The following LAMB3 variants were observed in gnomAD, a reference collection of about 807,000 sequenced individuals.
LAMB3 encodes the protein laminin subunit beta 3, also known as laminin subunit beta-3.
A neutral mutation model predicts 140.3 loss-of-function variants in LAMB3; 104 were observed. That is an observed-to-expected ratio of 0.74 (90% CI 0.63 to 0.87). The LOEUF (loss-of-function observed/expected upper bound fraction) is 0.87, where lower values mean the gene tolerates loss of function less well. Ranked by LOEUF, LAMB3 falls within the 40% of genes least tolerant of loss-of-function variation. The pLI is 0.00. For synonymous variants in LAMB3, 592 were observed against 602.9 expected, an observed-to-expected ratio of 0.98 and a Z score of 0.26; for missense variants, 1,531 against 1,575.2, an observed-to-expected ratio of 0.97 and a Z score of 0.47.
chr1:209,618,931 C>G (rs1341437755), intron 18 of LAMB3: 3 of 537,030 alleles, frequency 5.6e-6, no homozygotes, highest in African/African-American at 1.9e-5. Flanking sequence ...GTGTCTGGTG[C>G]CACAGGAAGC....
intron 14 of LAMB3, 44 bp downstream of exon 14, chr1:209,625,604 T>C: frequency 6.2e-7 from 1 of 1,613,182 alleles, no homozygotes; most frequent in Non-Finnish European, 8.5e-7. Flanking sequence ...CTGGAACCCC[T>C]GGAGCATAAT....
In LAMB3 at chr1:209,617,457, G is replaced by A. The variant is rs1666011800; in HGVS notation, c.3181C>T (p.Gln1061Ter). Residue 1061 changes from glutamine (Q) to a stop codon, truncating the protein, a stop_gained, in exon 21 of 23, where the codon CAG (glutamine) becomes TAG (stop). Coordinates refer to ENST00000356082, the MANE Select transcript of LAMB3 (RefSeq NM_000228.3). LOFTEE classifies it high-confidence loss of function. ...RQQGAEAVQAQQLAEGASEQA... is the reference protein window; with the variant it reads ...RQQGAEAVQA ...TCGCTGGCACCTTCCGCAAGCTGCT[G>A]GGCCTGGACTGCCTCTGCCCCCTGC... 6.2e-7 allele frequency: 1 copy of A among 1,613,272 alleles called. No homozygotes were observed. Among genetic ancestry groups the A allele is most frequent in the African/African-American group, 1.3e-5 (1 of 74,908 alleles).
chr1:209,650,392 A>C (rs1486428666), intron 2 of LAMB3, among the ~76,000 whole-genome samples: 1 of 152,232 alleles, frequency 6.6e-6, no homozygotes, highest in Non-Finnish European at 1.5e-5. Context: ...TTTTAGAACC[A>C]GACTGGAGAC....
At chr1:209,634,037 A>T (rs543431398) in intron 6 of LAMB3, among the ~76,000 whole-genome samples, 2 of 152,194 alleles carry the variant, frequency 1.3e-5, no homozygotes, top group Non-Finnish European at 2.9e-5. Context: ...TAAACTGAAA[A>T]TGTTTATTTT....
chr1:209,624,036 A>C (rs1666325552), intron 14 of LAMB3, 36 bp from the exon 15 acceptor site: 1 of 1,598,684 alleles, frequency 6.3e-7, no homozygotes, highest in Non-Finnish European at 8.5e-7. Context: ...AAAATATAGG[A>C]GGGAGTTTTG....
In LAMB3 at chr1:209,617,973, C is replaced by T; in HGVS notation, c.2985G>A (p.Gln995=). ...GNLRQGTVAL[Q]EAQDTMQGTS... ...TGCCTTGCATGGTGTCCTGAGCTTC[C>T]TGCAGTGCCACTGTCCCCTGCCGCA... Residue 995 remains glutamine, a synonymous_variant, in exon 20 of 23, where the codon CAG becomes CAA. Coordinates refer to ENST00000356082, the MANE Select transcript of LAMB3 (RefSeq NM_000228.3). 6.2e-7 allele frequency: 1 copy of T among 1,614,210 alleles called. No homozygotes were observed. Among genetic ancestry groups the T allele is most frequent in the Non-Finnish European group, 8.5e-7 (1 of 1,180,042 alleles).
rs760955874 is a variant in LAMB3, at chr1:209,634,668, G to A, written c.373-30C>T. ...GGAGACAGGGGCAGTGTGCAGAGGG[G>A]AGGCACTGGGGCTGTGCCCCGTGGA... On this transcript the variant is annotated intron_variant, in intron 5 of 22. Coordinates refer to ENST00000356082, the MANE Select transcript of LAMB3 (RefSeq NM_000228.3). The A allele has an allele frequency of 2.5e-6, 4 of 1,578,148 alleles. No individual in the cohort carries two copies. In the African/African-American group the frequency reaches 4.0e-5, roughly 16 times the overall value.
chr1:209,617,438 G>T lies in LAMB3; in HGVS notation c.3200C>A (p.Ala1067Asp). Reference sequence around the variant, plus strand: ...TTGGGCACTCAATGCCTGCTCGCTGGCACCTTCCGCAAGCTGCTGGGCCTG... The same window carrying T: ...TTGGGCACTCAATGCCTGCTCGCTGTCACCTTCCGCAAGCTGCTGGGCCTG... ...AVQAQQLAEG[A>D]SEQALSAQEG... The change falls in exon 21 of 23, where the codon GCC (alanine) becomes GAC (aspartate). Residue 1067 changes from alanine to aspartate, a missense_variant. Physicochemically the swap from Ala to Asp is moderately radical, Grantham distance 126. Transcript: ENST00000356082. The T allele has an allele frequency of 3.1e-6, 5 of 1,612,858 alleles. No homozygotes were observed. The highest frequency in any genetic ancestry group is 3.4e-6 in the Non-Finnish European group (4 of 1,180,030).
rs141535940 is a variant in LAMB3 at position 209,651,315 on chromosome 1, G to T, written c.-37-334C>A. 156 of 312,212 alleles carry T rather than the reference G, an allele frequency of 5.0e-4. 1 individual carries two copies. The highest frequency in any genetic ancestry group is 3.0e-3 in the African/African-American group (141 of 47,188). 19.3% of individuals were successfully genotyped at this position (312,212 alleles called of 1,614,324 possible). A position where few individuals can be genotyped will look rare whatever the true frequency, so the allele number is the denominator to read the frequency against. On this transcript the variant is annotated intron_variant, in intron 1 of 22. Coordinates refer to ENST00000356082, the MANE Select transcript of LAMB3 (RefSeq NM_000228.3). ...CAACGTGGGGAGCAGGAAAAGGCTG[G>T]ACCCTTTGCAGGAGAAAAGCTGTAG...
chr1:209,627,043 G>A, intron 12 of LAMB3, 65 bp from the exon 13 acceptor site: 1 of 1,187,850 alleles, frequency 8.4e-7, no homozygotes, highest in Non-Finnish European at 1.2e-6. Context: ...TGGTGTCAGG[G>A]ACTGTGTCCT....
At position 209,639,673 on chromosome 1, in the gene LAMB3, A is replaced by T. The variant is rs565890674; in HGVS notation, c.184-1025T>A. On this transcript the variant is annotated intron_variant, in intron 3 of 22. Transcript: ENST00000356082. ...CGCGTGCACATGCGCACACGCACAC[A>T]CACACACACAGATAACACGACCTTT... Among the ~76,000 whole-genome samples the T allele has an allele frequency of 2.6e-5, 4 of 151,254 alleles. No homozygotes were observed. The South Asian group carries it at 8.3e-4, about 31-fold the overall frequency.
chr1:209,616,516 C>T lies in LAMB3; in HGVS notation c.3337G>A (p.Glu1113Lys). 1 of 1,614,232 alleles carries T rather than the reference C, an allele frequency of 6.2e-7. No homozygotes were observed. Among genetic ancestry groups the T allele is most frequent in the Non-Finnish European group, 8.5e-7 (1 of 1,180,034 alleles). Residue 1113 changes from glutamate (E) to lysine (K), a missense_variant, in exon 22 of 23, where the codon GAG (glutamate) becomes AAG (lysine). By Grantham distance (56) the Glu-to-Lys change is moderately conservative. Transcript: ENST00000356082. ...TCCATGGTCTCCCCAAACAGCTCCT[C>T]TGCCTCTGTCTTCACACTCTGGATC... ...ARIQSVKTEAEELFGETMEMM... is the reference protein window; with the variant it reads ...ARIQSVKTEAKELFGETMEMM...
chr1:209,638,091 G>A, intron 4 of LAMB3, 110 bp from the exon 5 acceptor site: 1 of 878,426 alleles, frequency 1.1e-6, no homozygotes, highest in East Asian at 2.6e-5. Context: ...CTCTAACCTT[G>A]ATTTTCCAAA....
intron 3 of LAMB3, among the ~76,000 whole-genome samples, chr1:209,647,528 G>A (rs1343419246): frequency 6.6e-6 from 1 of 152,164 alleles, no homozygotes; most frequent in Non-Finnish European, 1.5e-5. Context: ...TGGGCTCAGG[G>A]CTCGCTATGT....
chr1:209,616,685 G>A (rs1665981911), intron 21 of LAMB3, 61 bp from the exon 22 acceptor site: 2 of 1,538,840 alleles, frequency 1.3e-6, no homozygotes. Context: ...AAGACCTGTG[G>A]CCAAAGCACT....
chr1:209,640,952 G>A (rs1378387286), intron 3 of LAMB3, among the ~76,000 whole-genome samples: 10 of 151,492 alleles, frequency 6.6e-5, no homozygotes, highest in East Asian at 2.0e-4. Context: ...GCATGGTGGC[G>A]GGCCCCTGTA....
In LAMB3 at chr1:209,623,889, A is replaced by G. The variant is rs1249834396; in HGVS notation, c.2088T>C (p.Tyr696=). Residue 696 remains tyrosine, a synonymous_variant, in exon 15 of 23, where the codon TAT becomes TAC. Transcript: ENST00000356082. This position sits in a 1 kb window ranked among gnomAD's most constrained non-coding sequence, Gnocchi z 4.2. ...TTTCAAACTGCTCCCTCTTCCTCTG[A>G]TACATAGTAAGGAGACCATTGAAGC... ...DRSFNGLLTM[Y]QRKREQFEKI... The G allele has an allele frequency of 6.2e-7, 1 of 1,614,146 alleles. No homozygotes were observed. The highest frequency in any genetic ancestry group is 1.7e-5 in the Admixed American group (1 of 60,020).
At chr1:209,640,554 A>T (rs939625584) in intron 3 of LAMB3, among the ~76,000 whole-genome samples, 2 of 151,884 alleles carry the variant, frequency 1.3e-5, no homozygotes, top group African/African-American at 4.8e-5. Context: ...TCTCAAAAAA[A>T]AAAAAGTAAT....
At chr1:209,620,066 C>T (rs1558148905) in intron 18 of LAMB3, among the ~76,000 whole-genome samples, 1 of 152,334 alleles carries the variant, frequency 6.6e-6, no homozygotes, top group East Asian at 1.9e-4. Context: ...ATGAGCACAT[C>T]CCCACCTAGA....
Sources: gnomAD v4.1 joint callset for allele counts (sites outside exome capture counted in the v4.1 genomes callset) on GRCh38, gnomAD v4.1.1 for gene constraint, Gnocchi (gnomAD v3.1) non-coding constraint, MANE v1.5 for transcripts, NCBI Gene and HGNC (gene_info 2026-07-23, HGNC 2026-07-21) for gene names.